Variants in DYNC1H1 observed in about 807,000 individuals in gnomAD.
DYNC1H1 encodes dynein cytoplasmic 1 heavy chain 1.
DYNC1H1 carries 51 observed loss-of-function variants against 527.1 expected under a neutral mutation model. The ratio of observed to expected loss-of-function variants is 0.10; its 90% confidence interval spans 0.08 to 0.12. DYNC1H1 has a LOEUF of 0.12. Ranked by LOEUF, DYNC1H1 falls within the 10% of genes least tolerant of loss-of-function variation. The pLI is 1.00. For missense variants in DYNC1H1, 2,771 were observed against 5,971.8 expected (o/e 0.46, Z 17.66); for synonymous variants, 2,189 against 2,278.8 (o/e 0.96, Z 1.12).
rs762452510 is a variant in DYNC1H1 at position 102,041,267 on chromosome 14, G to A, written c.11942-307G>A. Reference sequence around the variant, plus strand: ...AGTGTCAGACTGTGGAGGGCAGAGCGTGGAGCCCCCTTCCTGAGTACCTTC... The same window carrying A: ...AGTGTCAGACTGTGGAGGGCAGAGCATGGAGCCCCCTTCCTGAGTACCTTC... On this transcript the variant is annotated intron_variant, in intron 64 of 77. Coordinates refer to ENST00000360184, the MANE Select transcript of DYNC1H1 (RefSeq NM_001376.5). The surrounding 1 kb of genome is among the most constrained non-coding windows in gnomAD (Gnocchi z 4.5). 12 of 432,630 alleles carry A rather than the reference G, an allele frequency of 2.8e-5. No homozygotes were observed. The highest frequency in any genetic ancestry group is 4.8e-5 in the Non-Finnish European group (11 of 230,922). 26.8% of individuals were successfully genotyped at this position (432,630 alleles called of 1,614,324 possible).
chr14:102,041,901 C>T lies in DYNC1H1; in HGVS notation c.12103-112C>T. The T allele has an allele frequency of 6.7e-7, 1 of 1,490,572 alleles. No homozygotes were observed. Among genetic ancestry groups the T allele is most frequent in the Non-Finnish European group, 9.2e-7 (1 of 1,083,252 alleles). 92.3% of individuals were successfully genotyped at this position (1,490,572 alleles called of 1,614,324 possible). A position where few individuals can be genotyped will look rare whatever the true frequency, so the allele number is the denominator to read the frequency against. ...TCCTGGCTGCATGGTGCCCACACCTCTGGGCCCAGAAAGAACATCTTCTCA... is the reference window on the plus strand; with the variant it reads ...TCCTGGCTGCATGGTGCCCACACCTTTGGGCCCAGAAAGAACATCTTCTCA... On this transcript the variant is annotated intron_variant, in intron 65 of 77. Coordinates refer to ENST00000360184, the MANE Select transcript of DYNC1H1 (RefSeq NM_001376.5). The surrounding 1 kb of genome is among the most constrained non-coding windows in gnomAD (Gnocchi z 4.5).
chr14:102,007,544 G>C (rs2141290738), intron 28 of DYNC1H1, among the ~76,000 whole-genome samples: 1 of 152,312 alleles, frequency 6.6e-6, no homozygotes, highest in Non-Finnish European at 1.5e-5. Context: ...TGTTCATGAA[G>C]TAACTGCTGT....
chr14:101,995,334 G>A (rs1343325515), intron 15 of DYNC1H1, 34 bp downstream of exon 15: 2 of 1,612,838 alleles, frequency 1.2e-6, no homozygotes, highest in Non-Finnish European at 1.7e-6. Flanking sequence ...ATTTTTGGCT[G>A]GGCGTGGTGG....
At position 101,985,803 on chromosome 14, in the gene DYNC1H1, T is replaced by A; in HGVS notation, c.1578T>A (p.Ala526=). 2 of 1,614,204 alleles carry A rather than the reference T, an allele frequency of 1.2e-6. No individual in the cohort carries two copies. The highest frequency in any genetic ancestry group is 8.5e-7 in the Non-Finnish European group (1 of 1,180,034). ...DANAIEEVNL[A]YENVKEVDGL... ...ATGCCATTGAGGAAGTAAACCTTGC[T>A]TATGAGAACGTCAAGGAAGTGGATG... The change falls in exon 8 of 78, where the codon GCT becomes GCA. Residue 526 remains alanine (A), a synonymous_variant. Coordinates refer to ENST00000360184, the MANE Select transcript of DYNC1H1 (RefSeq NM_001376.5). This position sits in a 1 kb window ranked among gnomAD's most constrained non-coding sequence, Gnocchi z 5.9.
chr14:102,034,679 T>G, intron 56 of DYNC1H1: 15 of 701,852 alleles, frequency 2.1e-5, no homozygotes, highest in African/African-American at 3.5e-5. Flanking sequence ...TAAAATCGAT[T>G]GGCAGGGGCC....
chr14:102,011,817 G>A lies in DYNC1H1; in HGVS notation c.6619-58G>A. 1 of 1,569,670 alleles carries A rather than the reference G, an allele frequency of 6.4e-7. No individual in the cohort carries two copies. The highest frequency in any genetic ancestry group is 8.8e-7 in the Non-Finnish European group (1 of 1,140,464). On this transcript the variant is annotated intron_variant, in intron 32 of 77. Coordinates refer to ENST00000360184, the MANE Select transcript of DYNC1H1 (RefSeq NM_001376.5). The surrounding 1 kb of genome is among the most constrained non-coding windows in gnomAD (Gnocchi z 5.3). ...CTTTCACAAGAGGTGGCTGGGCGAG[G>A]AGCTGTCCCCATTCCTCCTCTGGGA... is the stretch of plus-strand genomic sequence containing the variant.
intron 56 of DYNC1H1, 54 bp downstream of exon 56, chr14:102,034,506 G>T: frequency 6.2e-7 from 1 of 1,611,012 alleles, no homozygotes; most frequent in South Asian, 1.1e-5. Context: ...TGGTGATCTT[G>T]AATTTTTTTC....
Position 101,979,685 on chromosome 14 carries a change from A to G in DYNC1H1, c.519-34A>G. 1 of 1,613,366 alleles carries G rather than the reference A, an allele frequency of 6.2e-7. No homozygotes were observed. On this transcript the variant is annotated intron_variant, in intron 3 of 77. Coordinates refer to ENST00000360184, the MANE Select transcript of DYNC1H1 (RefSeq NM_001376.5). This position sits in a 1 kb window ranked among gnomAD's most constrained non-coding sequence, Gnocchi z 4.6. ...TGGGATCTCTTTGGAGACCAATAGC[A>G]CACTAAATGTTGAGGTATGAAATCT...
chr14:102,043,370 G>A (rs1289704621), intron 69 of DYNC1H1: 2 of 233,442 alleles, frequency 8.6e-6, no homozygotes, highest in Non-Finnish European at 1.7e-5. Flanking sequence ...AGGTTGAAAA[G>A]TAAAAGCCAT....
At chr14:101,984,160 G>A (rs974519827) in intron 7 of DYNC1H1, among the ~76,000 whole-genome samples, 2 of 151,006 alleles carry the variant, frequency 1.3e-5, no homozygotes, top group Non-Finnish European at 3.0e-5. Context: ...GTGTGTTGGC[G>A]GGAGGGGGCT....
At position 102,044,802 on chromosome 14, in the gene DYNC1H1, G is replaced by T; in HGVS notation, c.13006+104G>T. On this transcript the variant is annotated intron_variant, in intron 72 of 77. Coordinates refer to ENST00000360184, the MANE Select transcript of DYNC1H1 (RefSeq NM_001376.5). The surrounding 1 kb of genome is among the most constrained non-coding windows in gnomAD (Gnocchi z 7.1). ...ACACGCAGGGTGAGTGTGCACTGCT[G>T]TCCCAGGGCCCTCCCTGGTTATGCT... 8.3e-6 allele frequency: 11 copies of T among 1,332,920 alleles called. No individual in the cohort carries two copies. The highest frequency in any genetic ancestry group is 1.2e-5 in the Non-Finnish European group (11 of 943,774). 82.6% of individuals were successfully genotyped at this position (1,332,920 alleles called of 1,614,324 possible).
chr14:102,048,363 G>A (rs879336083), intron 73 of DYNC1H1, 153 bp from the exon 74 acceptor site: 115 of 1,068,238 alleles, frequency 1.1e-4, no homozygotes, highest in Admixed American at 2.9e-4. Flanking sequence ...ACACAAGCTC[G>A]GTTCCAAGTC....
chr14:101,994,642 A>G (rs370574250), intron 12 of DYNC1H1, 31 bp from the exon 13 acceptor site: 7 of 1,612,946 alleles, frequency 4.3e-6, no homozygotes, highest in Admixed American at 1.7e-5. Context: ...GAAAACTCAA[A>G]CTATTATTTA....
chr14:101,994,425 T>C, intron 12 of DYNC1H1, 101 bp downstream of exon 12: 1 of 1,548,482 alleles, frequency 6.5e-7, no homozygotes, highest in Non-Finnish European at 8.9e-7. Flanking sequence ...CTTGACTGTA[T>C]GTATGGTTCA....
Position 102,015,391 on chromosome 14 carries a change from G to T in DYNC1H1, c.7242+59G>T. 1 of 1,527,622 alleles carries T rather than the reference G, an allele frequency of 6.5e-7. No individual in the cohort carries two copies. Among genetic ancestry groups the T allele is most frequent in the Non-Finnish European group, 8.8e-7 (1 of 1,130,156 alleles). The allele number at this position is 1,527,622 out of a possible 1,614,324, so 94.6% of individuals were successfully genotyped here. Reference sequence around the variant, plus strand: ...TGAGGGTGCTAGGATATTCAGATGTGGTCTCGCTGTGTTGCCCACGCTGGT... The same window carrying T: ...TGAGGGTGCTAGGATATTCAGATGTTGTCTCGCTGTGTTGCCCACGCTGGT... On this transcript the variant is annotated intron_variant, in intron 35 of 77. Coordinates refer to ENST00000360184, the MANE Select transcript of DYNC1H1 (RefSeq NM_001376.5). The surrounding 1 kb of genome is among the most constrained non-coding windows in gnomAD (Gnocchi z 6.9).
At position 102,039,320 on chromosome 14, in the gene DYNC1H1, T is replaced by C; in HGVS notation, c.11460+66T>C. On this transcript the variant is annotated intron_variant, in intron 60 of 77. Transcript: ENST00000360184. This position sits in a 1 kb window ranked among gnomAD's most constrained non-coding sequence, Gnocchi z 7.0. ...AGTAGCTCCTTGGCCGCACAGAGGC[T>C]GGCGGGCCCTGCACAGTAGCTCCTT... The C allele has an allele frequency of 6.2e-7, 1 of 1,611,888 alleles. No individual in the cohort carries two copies. Among genetic ancestry groups the C allele is most frequent in the Non-Finnish European group, 8.5e-7 (1 of 1,179,942 alleles).
chr14:101,997,331 G>C lies in DYNC1H1; in HGVS notation c.3804+57G>C. ...TCCTCACCCAGCAGTGTGATTTGGT[G>C]ACTTTCTTTCAAGCCTAAAAGGCCT... On this transcript the variant is annotated intron_variant, in intron 16 of 77. Transcript: ENST00000360184. This position sits in a 1 kb window ranked among gnomAD's most constrained non-coding sequence, Gnocchi z 4.8. The C allele has an allele frequency of 6.2e-7, 1 of 1,612,414 alleles. No homozygotes were observed. The highest frequency in any genetic ancestry group is 1.7e-4 in the Middle Eastern group (1 of 5,944).
At position 102,010,490 on chromosome 14, in the gene DYNC1H1, C is replaced by A; in HGVS notation, c.6405+31C>A. Reference sequence around the variant, plus strand: ...TTACAAACGTTTTGATCACTCAAACCTTATACGTTATTTAAATTTACCTTT... The same window carrying A: ...TTACAAACGTTTTGATCACTCAAACATTATACGTTATTTAAATTTACCTTT... On this transcript the variant is annotated intron_variant, in intron 31 of 77. Coordinates refer to ENST00000360184, the MANE Select transcript of DYNC1H1 (RefSeq NM_001376.5). The surrounding 1 kb of genome is among the most constrained non-coding windows in gnomAD (Gnocchi z 6.0). The A allele has an allele frequency of 6.2e-7, 1 of 1,611,276 alleles. No individual in the cohort carries two copies. The highest frequency in any genetic ancestry group is 1.1e-5 in the South Asian group (1 of 90,704).
chr14:102,035,859 A>T (rs977829627), intron 56 of DYNC1H1: 1 of 153,114 alleles, frequency 6.5e-6, no homozygotes, highest in African/African-American at 2.4e-5. Flanking sequence ...AAGGCAGGGC[A>T]GCATGGTTCT....
Sources: allele counts gnomAD v4.1 joint callset (sites outside exome capture counted in the v4.1 genomes callset), GRCh38; gene constraint gnomAD v4.1.1; non-coding constraint Gnocchi (gnomAD v3.1); transcripts MANE v1.5; gene names NCBI Gene and HGNC (gene_info 2026-07-23, HGNC 2026-07-21).